Variants in CDH12 observed in about 807,000 individuals in gnomAD.
CDH12 encodes the protein cadherin-12.
A neutral mutation model predicts 74.1 loss-of-function variants in CDH12; 41 were observed. The ratio of observed to expected loss-of-function variants is 0.55; its 90% CI spans 0.43 to 0.72. The LOEUF (loss-of-function observed/expected upper bound fraction) is 0.72, where lower values mean the gene tolerates loss of function less well. CDH12 is among the 30% of genes least tolerant of loss of function. The pLI, the probability that CDH12 is intolerant of heterozygous loss-of-function variation, is 0.00. For synonymous variants in CDH12, 399 were observed against 355.0 expected (o/e 1.12, Z -1.39); for missense variants, 945 against 977.2 (o/e 0.97, Z 0.44).
chr5:22,140,023 G>A (rs964717215), intron 4 of CDH12, among the ~76,000 whole-genome samples: 17 of 152,192 alleles, frequency 1.1e-4, no homozygotes, highest in Middle Eastern at 3.4e-3. Context: ...CGGCCTTTCA[G>A]AAACGTGTTG....
chr5:22,756,993 T>C (rs1031583080), intron 1 of CDH12, among the ~76,000 whole-genome samples: 8 of 152,094 alleles, frequency 5.3e-5, no homozygotes, highest in African/African-American at 1.9e-4. Flanking sequence ...ACTTTGTACA[T>C]TGCATTCCTT....
chr5:22,055,984 C>A (rs1740712639), intron 5 of CDH12, among the ~76,000 whole-genome samples: 1 of 152,008 alleles, frequency 6.6e-6, no homozygotes, highest in African/African-American at 2.4e-5. Context: ...CATTGATGTT[C>A]TAAAATATAA....
intron 1 of CDH12, among the ~76,000 whole-genome samples, chr5:22,584,887 C>T (rs956081013): frequency 6.6e-6 from 1 of 152,076 alleles, no homozygotes; most frequent in Non-Finnish European, 1.5e-5. Flanking sequence ...CTCTTTAACA[C>T]CATTTCTTTC....
intron 3 of CDH12, among the ~76,000 whole-genome samples, chr5:22,325,434 T>G (rs13354125): frequency 1.4e-3 from 220 of 152,266 alleles, no homozygotes; most frequent in African/African-American, 5.1e-3. Context: ...AAAAAAAGTA[T>G]GTTGTATTCC....
intron 6 of CDH12, among the ~76,000 whole-genome samples, chr5:21,962,848 C>T (rs1323205402): frequency 6.6e-6 from 1 of 152,108 alleles, no homozygotes; most frequent in Non-Finnish European, 1.5e-5. Context: ...TAGTCAGTAA[C>T]CCAAACATCT....
At chr5:22,012,860 T>A (rs1055081956) in intron 5 of CDH12, among the ~76,000 whole-genome samples, 4 of 142,896 alleles carry the variant, frequency 2.8e-5, no homozygotes, top group African/African-American at 1.1e-4. Flanking sequence ...ATAGATAGTA[T>A]AACTAGAACT....
intron 1 of CDH12, among the ~76,000 whole-genome samples, chr5:22,851,600 T>C (rs182971733): frequency 6.7e-4 from 102 of 152,274 alleles, no homozygotes; most frequent in Admixed American, 2.5e-3. Flanking sequence ...CTAAATATTG[T>C]TGCTGAATAA....
chr5:22,488,443 T>C (rs997581266), intron 2 of CDH12, among the ~76,000 whole-genome samples: 1 of 152,232 alleles, frequency 6.6e-6, no homozygotes, highest in Admixed American at 6.5e-5. Context: ...TTATTAACTA[T>C]GCCTTTTATT....
rs532405382 is a variant in CDH12 at position 22,457,731 on chromosome 5, A to G, written c.-428+47539T>C. 2.7e-5 allele frequency among the ~76,000 whole-genome samples: 4 copies of G among 150,392 alleles called. No individual in the cohort carries two copies. In the East Asian group the frequency reaches 8.0e-4, roughly 30 times the overall value. ...GTAGCTTGGATTACAGGCACCTGCT[A>G]ACATGCCCAACTAATTTTTTTATTT... On this transcript the variant is annotated intron_variant, in intron 2 of 14. Coordinates refer to ENST00000382254, the MANE Select transcript of CDH12 (RefSeq NM_004061.5).
chr5:21,880,467 T>TTTCCTTCCTTTC, intron 6 of CDH12, among the ~76,000 whole-genome samples: 1 of 84,880 alleles, frequency 1.2e-5, no homozygotes, highest in African/African-American at 4.6e-5. Flanking sequence ...TCCTTCCTTC[T>TTTCCTTCCTTTC]TTCCTTCCTT....
intron 5 of CDH12, among the ~76,000 whole-genome samples, chr5:22,033,219 C>T (rs918270245): frequency 6.6e-6 from 1 of 152,032 alleles, no homozygotes; most frequent in South Asian, 2.1e-4. Context: ...TTTATTGCTC[C>T]AGGAAATTTT....
At chr5:22,044,404 G>T (rs904177627) in intron 5 of CDH12, among the ~76,000 whole-genome samples, 6 of 152,184 alleles carry the variant, frequency 3.9e-5, no homozygotes, top group Non-Finnish European at 7.3e-5. Context: ...AAGGGGAAGT[G>T]AGGCATGTCT....
intron 1 of CDH12, among the ~76,000 whole-genome samples, chr5:22,587,930 T>TTA (rs954016498): frequency 1.4e-5 from 2 of 148,010 alleles, no homozygotes; most frequent in South Asian, 4.2e-4. Context: ...ATATATAGAT[T>TTA]TATATATATA....
At chr5:22,768,092 A>G (rs966828419) in intron 1 of CDH12, among the ~76,000 whole-genome samples, 11 of 152,028 alleles carry the variant, frequency 7.2e-5, no homozygotes, top group Non-Finnish European at 1.3e-4. Context: ...TACTTCTAGA[A>G]TATAGTACAG....
chr5:22,469,093 C>T (rs1471912269), intron 2 of CDH12, among the ~76,000 whole-genome samples: 5 of 152,130 alleles, frequency 3.3e-5, no homozygotes, highest in Non-Finnish European at 5.9e-5. Context: ...GGGTGAGGGG[C>T]TGGAAAAATT....
At chr5:22,600,825 A>G (rs766463622) in intron 1 of CDH12, among the ~76,000 whole-genome samples, 14 of 152,054 alleles carry the variant, frequency 9.2e-5, no homozygotes, top group Non-Finnish European at 1.3e-4. Context: ...AACACACCCC[A>G]AAAAATGTGT....
chr5:22,522,802 T>G (rs1234783681), intron 1 of CDH12, among the ~76,000 whole-genome samples: 3 of 152,214 alleles, frequency 2.0e-5, no homozygotes, highest in African/African-American at 7.2e-5. Context: ...GATTTTGTGT[T>G]CTGTCATTCT....
intron 3 of CDH12, among the ~76,000 whole-genome samples, chr5:22,358,834 A>C (rs1477964693): frequency 6.6e-6 from 1 of 152,174 alleles, no homozygotes; most frequent in Non-Finnish European, 1.5e-5. Flanking sequence ...TGATTCACTA[A>C]ATTCTGTTAT....
chr5:21,986,108 T>G (rs567925409), intron 5 of CDH12, among the ~76,000 whole-genome samples: 1 of 152,188 alleles, frequency 6.6e-6, no homozygotes, highest in African/African-American at 2.4e-5. Flanking sequence ...GAGCTATTTA[T>G]CATCTGGAAA....
Sources: allele counts gnomAD v4.1 joint callset (sites outside exome capture counted in the v4.1 genomes callset), GRCh38; gene constraint gnomAD v4.1.1; transcripts MANE v1.5; gene names NCBI Gene and HGNC (gene_info 2026-07-23, HGNC 2026-07-21).